SPG11: variants seen among roughly 807,000 people sequenced by gnomAD.
The protein encoded by SPG11 is spatacsin.
Under a neutral mutation model 274.0 loss-of-function variants are expected in SPG11, and 222 were observed. The observed-to-expected ratio is 0.81, with a 90% confidence interval of 0.73 to 0.91. SPG11 has a LOEUF of 0.91. SPG11 is among the 40% of genes least tolerant of loss of function. The probability of loss-of-function intolerance (pLI) is 0.00; values close to 1 mark genes in which losing one functional copy is unlikely to be tolerated. For synonymous variants in SPG11, 1,144 were observed against 1,039.7 expected, an observed-to-expected ratio of 1.10 and a Z score of -1.93; for missense variants, 3,114 against 2,872.7, an observed-to-expected ratio of 1.08 and a Z score of -1.92.
intron 30 of SPG11, 35 bp from the exon 31 acceptor site, chr15:44,575,076 T>TGG: frequency 6.2e-7 from 1 of 1,612,200 alleles, no homozygotes; most frequent in Non-Finnish European, 8.5e-7. Flanking sequence ...GGCTCTAAGC[T>TGG]GGGAGGTTCT....
At chr15:44,642,364 C>CAAAAAAAAAAAAAAAAAAAAA (rs36011354) in intron 7 of SPG11, among the ~76,000 whole-genome samples, 1 of 44,542 alleles carries the variant, frequency 2.2e-5, no homozygotes, top group African/African-American at 6.2e-5. Flanking sequence ...GACTCCATCT[C>CAAAAAAAAAAAAAAAAAAAAA]AAAAAAAAAA....
intron 7 of SPG11, among the ~76,000 whole-genome samples, chr15:44,640,503 C>G (rs1466665818): frequency 6.6e-6 from 1 of 151,996 alleles, no homozygotes; most frequent in Admixed American, 6.6e-5. Context: ...TGAAACTTGA[C>G]AAGCTAATCC....
At chr15:44,636,726 G>C (rs1326438092) in intron 7 of SPG11, among the ~76,000 whole-genome samples, 2 of 151,214 alleles carry the variant, frequency 1.3e-5, no homozygotes, top group African/African-American at 4.9e-5. Flanking sequence ...AGGAGTTTGA[G>C]ACCAGCCTGG....
rs1056302697 is a variant in SPG11, at chr15:44,570,400, T to G, written c.6477+125A>C. 18 of 1,197,920 alleles carry G rather than the reference T, an allele frequency of 1.5e-5. No homozygotes were observed. In the African/African-American group the frequency reaches 2.0e-4, roughly 13 times the overall value. The allele number at this position is 1,197,920 out of a possible 1,614,324, so 74.2% of individuals were successfully genotyped here. ...TTGGGCTGCCCAGCCAACTCTCAAGTAGGTAGTGGTATCCAGATGGGCAGA... is the reference window on the plus strand; with the variant it reads ...TTGGGCTGCCCAGCCAACTCTCAAGGAGGTAGTGGTATCCAGATGGGCAGA... On this transcript the variant is annotated intron_variant, in intron 34 of 39. Transcript: ENST00000261866.
intron 19 of SPG11, among the ~76,000 whole-genome samples, chr15:44,608,064 T>C (rs1023101955): frequency 2.0e-5 from 3 of 152,158 alleles, no homozygotes; most frequent in Admixed American, 1.3e-4. Context: ...AGACTAAAGA[T>C]GGGAAGAGGG....
rs1314352745 is a variant in SPG11 at position 44,565,869 on chromosome 15, T to C, written c.6984A>G (p.Leu2328=). The C allele has an allele frequency of 6.2e-7, 1 of 1,614,054 alleles. No individual in the cohort carries two copies. Among genetic ancestry groups the C allele is most frequent in the East Asian group, 2.2e-5 (1 of 44,872 alleles). The change falls in exon 38 of 40, where the codon CTA becomes CTG. Residue 2328 remains leucine, a synonymous_variant. Coordinates refer to ENST00000261866, the MANE Select transcript of SPG11 (RefSeq NM_025137.4). ...TCTTGCTCACCTGGTAGAACCGAGG[T>C]AGGGCCAGAATACAGTCCATCAGCT... ...RHKLMDCILA[L]PRFYQASIVA...
At position 44,596,199 on chromosome 15, in the gene SPG11, C is replaced by T. The variant is rs569349723; in HGVS notation, c.4318G>A (p.Asp1440Asn). The T allele has an allele frequency of 2.2e-5, 35 of 1,614,116 alleles. No individual in the cohort carries two copies. In the South Asian group the frequency reaches 2.2e-4, roughly 10 times the overall value. ...ELQGSKQEMT[D>N]LFEILLQCSE... Reference sequence around the variant, plus strand: ...CATTGGAGCAGAATTTCAAATAAATCGGTCATCTCTTGTTTGCTTCCTTGA... The same window carrying T: ...CATTGGAGCAGAATTTCAAATAAATTGGTCATCTCTTGTTTGCTTCCTTGA... Residue 1440 changes from aspartate (D) to asparagine (N), a missense_variant, in exon 25 of 40, where the codon GAT becomes AAT. Asp to Asn is a conservative substitution (Grantham distance 23). Transcript: ENST00000261866.
chr15:44,652,368 T>A, intron 4 of SPG11, 102 bp from the exon 5 acceptor site: 3 of 1,260,116 alleles, frequency 2.4e-6, no homozygotes, highest in Non-Finnish European at 3.4e-6. Flanking sequence ...AGAGAAGGAA[T>A]AGTACAACAA....
intron 20 of SPG11, among the ~76,000 whole-genome samples, chr15:44,600,855 G>T (rs781072651): frequency 3.9e-5 from 6 of 152,108 alleles, no homozygotes; most frequent in Non-Finnish European, 8.8e-5. Context: ...AAAAACTCTG[G>T]TAAGAAATGA....
intron 11 of SPG11, among the ~76,000 whole-genome samples, chr15:44,625,089 G>A (rs534329748): frequency 8.9e-5 from 13 of 146,850 alleles, no homozygotes; most frequent in African/African-American, 3.0e-4. Flanking sequence ...AGCCAAGATC[G>A]CACCATTGCA....
chr15:44,610,850 C>A lies in SPG11; in HGVS notation c.3281G>T (p.Gly1094Val), dbSNP rs1279875744. 4 of 1,613,806 alleles carry A rather than the reference C, an allele frequency of 2.5e-6. No homozygotes were observed. Among genetic ancestry groups the A allele is most frequent in the Non-Finnish European group, 3.4e-6 (4 of 1,179,846 alleles). ...AAGTGCTATCCATACCTGACTGACA[C>A]CCCCAGGAGAATACATTGTAGTAGC... is the stretch of plus-strand genomic sequence containing the variant. ...ALATTMYSPG[G>V]VSQVVQNEEN... Residue 1094 changes from glycine to valine, a missense_variant, in exon 18 of 40, where the codon GGT becomes GTT. Gly to Val is a moderately radical substitution (Grantham distance 109). Transcript: ENST00000261866.
chr15:44,635,801 C>T (rs1022171684), intron 7 of SPG11, among the ~76,000 whole-genome samples: 1 of 151,478 alleles, frequency 6.6e-6, no homozygotes, highest in Non-Finnish European at 1.5e-5. Context: ...CCTGCAGTCC[C>T]AGCTATTTGG....
intron 7 of SPG11, among the ~76,000 whole-genome samples, chr15:44,635,889 C>A (rs2084232880): frequency 6.6e-6 from 1 of 151,420 alleles, no homozygotes; most frequent in South Asian, 2.1e-4. Flanking sequence ...TGCACTCCAG[C>A]CTGAGTGACA....
Position 44,606,040 on chromosome 15 carries a change from T to C in SPG11, c.3505A>G (p.Thr1169Ala), listed in dbSNP as rs760533714. The C allele has an allele frequency of 2.5e-6, 4 of 1,613,622 alleles. No homozygotes were observed. The Admixed American group carries it at 6.7e-5, about 27-fold the overall frequency. The change falls in exon 20 of 40, where the codon ACA becomes GCA. Residue 1169 changes from threonine to alanine, a missense_variant. Thr to Ala is a moderately conservative substitution (Grantham distance 58). Transcript: ENST00000261866. ...GATGACTTACCTCCTATAGCTAGTG[T>C]GTTAGCAGACTGCCAGCCAAACAAT... ...SRLFGWQSAN[T>A]LAIGDAWSHL...
chr15:44,627,121 G>A (rs1050311807), intron 10 of SPG11, among the ~76,000 whole-genome samples: 1 of 152,034 alleles, frequency 6.6e-6, no homozygotes, highest in South Asian at 2.1e-4. Context: ...CTGAAAGACC[G>A]TAAAAGCAAG....
At chr15:44,641,950 CAACTT>C (rs934589015) in intron 7 of SPG11, among the ~76,000 whole-genome samples, 1 of 94,784 alleles carries the variant, frequency 1.1e-5, no homozygotes, top group African/African-American at 4.2e-5. Context: ...AAAAAGGAAA[CAACTT>C]AAAGCTAGAT....
At position 44,566,028 on chromosome 15, in the gene SPG11, G is replaced by C. The variant is rs539232104; in HGVS notation, c.6844-19C>G. The C allele has an allele frequency of 7.4e-6, 12 of 1,613,250 alleles. No homozygotes were observed. In the East Asian group the frequency reaches 2.0e-4, roughly 27 times the overall value. Reference sequence around the variant, plus strand: ...AGGAGTCCTGAGGAACAAGGGTGGAGAGGCACAGTAGAGAAAGACCTAGTT... The same window carrying C: ...AGGAGTCCTGAGGAACAAGGGTGGACAGGCACAGTAGAGAAAGACCTAGTT... On this transcript the variant is annotated intron_variant, in intron 37 of 39. Coordinates refer to ENST00000261866, the MANE Select transcript of SPG11 (RefSeq NM_025137.4).
chr15:44,630,087 C>T (rs1188748430), intron 8 of SPG11, among the ~76,000 whole-genome samples: 11 of 152,080 alleles, frequency 7.2e-5, no homozygotes, highest in Non-Finnish European at 1.6e-4. Context: ...AGTGGCAGGG[C>T]CAAAATTTGA....
intron 6 of SPG11, among the ~76,000 whole-genome samples, chr15:44,649,516 G>A (rs1230347146): frequency 6.6e-6 from 1 of 152,066 alleles, no homozygotes; most frequent in Non-Finnish European, 1.5e-5. Flanking sequence ...ACAAGCGTGA[G>A]CCACTGCACC....
Sources: allele counts gnomAD v4.1 joint callset (sites outside exome capture counted in the v4.1 genomes callset), GRCh38; gene constraint gnomAD v4.1.1; transcripts MANE v1.5; gene names NCBI Gene and HGNC (gene_info 2026-07-23, HGNC 2026-07-21).